Variants in RBFOX1 observed in about 807,000 individuals in gnomAD.
RBFOX1 encodes RNA binding protein fox-1 homolog 1.
RBFOX1 carries 8 observed loss-of-function variants against 57.7 expected under a neutral mutation model. The ratio of observed to expected loss-of-function variants is 0.14; its 90% confidence interval spans 0.08 to 0.25. The LOEUF (loss-of-function observed/expected upper bound fraction) is 0.25. Among genes scored for constraint, RBFOX1 ranks in the 10% least tolerant of loss-of-function variants. RBFOX1 has a pLI of 1.00. For synonymous variants in RBFOX1, 326 were observed against 222.4 expected, an observed-to-expected ratio of 1.47 and a Z score of -4.15; for missense variants, 611 against 548.5, an observed-to-expected ratio of 1.11 and a Z score of -1.14.
intron 4 of RBFOX1, among the ~76,000 whole-genome samples, chr16:7,426,952 A>G (rs868688339): frequency 1.3e-5 from 2 of 152,330 alleles, no homozygotes; most frequent in Middle Eastern, 3.4e-3. Context: ...GGATGAGTTC[A>G]TGTCCTTTGT....
intron 1 of RBFOX1, among the ~76,000 whole-genome samples, chr16:5,398,103 G>A (rs1245726403): frequency 1.3e-5 from 2 of 152,188 alleles, no homozygotes; most frequent in Non-Finnish European, 2.9e-5. Context: ...CAACCTAGAC[G>A]AAGACCAAGA....
At chr16:7,347,100 C>T (rs1306869008) in intron 4 of RBFOX1, among the ~76,000 whole-genome samples, 1 of 152,146 alleles carries the variant, frequency 6.6e-6, no homozygotes, top group African/African-American at 2.4e-5. Context: ...GGTTCTCAAT[C>T]AGGGGTGATT....
chr16:7,675,348 T>C (rs931056233), intron 13 of RBFOX1, among the ~76,000 whole-genome samples: 15 of 151,784 alleles, frequency 9.9e-5, no homozygotes, highest in African/African-American at 3.4e-4. Context: ...GAACACCAGG[T>C]GGCATCTGGC....
intron 4 of RBFOX1, among the ~76,000 whole-genome samples, chr16:5,961,350 C>A (rs1270640645): frequency 6.6e-6 from 1 of 152,076 alleles, no homozygotes; most frequent in Non-Finnish European, 1.5e-5. Flanking sequence ...AAGGTACTTG[C>A]TTGAGCTTCC....
At chr16:6,131,571 T>C (rs1034319242) in intron 1 of RBFOX1, among the ~76,000 whole-genome samples, 6 of 152,210 alleles carry the variant, frequency 3.9e-5, no homozygotes, top group African/African-American at 1.4e-4. Flanking sequence ...ACTCCCCAGA[T>C]GACTCTCAAG....
intron 1 of RBFOX1, among the ~76,000 whole-genome samples, chr16:5,294,629 C>T (rs779669798): frequency 3.3e-5 from 5 of 152,114 alleles, no homozygotes; most frequent in Non-Finnish European, 7.4e-5. Flanking sequence ...AGGCAGTGAC[C>T]TAGGAACTAT....
chr16:7,359,022 T>A (rs2097269645), intron 4 of RBFOX1, among the ~76,000 whole-genome samples: 1 of 152,354 alleles, frequency 6.6e-6, no homozygotes, highest in South Asian at 2.1e-4. Context: ...TTGAGTTCTT[T>A]GCTGCCTCCA....
intron 3 of RBFOX1, among the ~76,000 whole-genome samples, chr16:6,978,578 A>G (rs1041664407): frequency 5.3e-5 from 8 of 151,864 alleles, no homozygotes; most frequent in African/African-American, 1.5e-4. Flanking sequence ...TCTCCTTTCT[A>G]TATTCTGGGT....
At chr16:5,305,461 A>T (rs112348601) in intron 1 of RBFOX1, among the ~76,000 whole-genome samples, 1 of 152,100 alleles carries the variant, frequency 6.6e-6, no homozygotes, top group Non-Finnish European at 1.5e-5. Context: ...TCTCATCTCT[A>T]TAATTCCAGA....
chr16:7,371,319 G>A (rs2097561642), intron 4 of RBFOX1, among the ~76,000 whole-genome samples: 1 of 152,152 alleles, frequency 6.6e-6, no homozygotes, highest in African/African-American at 2.4e-5. Flanking sequence ...AGTGGTACGT[G>A]CCTGTGATTA....
At chr16:7,456,434 G>C (rs959594491) in intron 4 of RBFOX1, among the ~76,000 whole-genome samples, 5 of 152,156 alleles carry the variant, frequency 3.3e-5, no homozygotes, top group East Asian at 1.9e-4. Context: ...TAAACACTAA[G>C]TACTCAGCTG....
At chr16:7,373,458 A>G (rs1479423152) in intron 4 of RBFOX1, among the ~76,000 whole-genome samples, 1 of 152,160 alleles carries the variant, frequency 6.6e-6, no homozygotes, top group African/African-American at 2.4e-5. Context: ...TGAGACCACT[A>G]AGTGATGTCC....
At chr16:6,436,942 C>A (rs2094252508) in intron 2 of RBFOX1, among the ~76,000 whole-genome samples, 1 of 152,182 alleles carries the variant, frequency 6.6e-6, no homozygotes. Flanking sequence ...TGGGCATAGA[C>A]ATACTTCATC....
intron 4 of RBFOX1, among the ~76,000 whole-genome samples, chr16:7,079,654 G>T (rs184173141): frequency 1.3e-5 from 2 of 152,126 alleles, no homozygotes; most frequent in Non-Finnish European, 2.9e-5. Flanking sequence ...AGACAGCCAG[G>T]AAGATGAGAG....
chr16:6,736,374 C>G (rs566641521), intron 3 of RBFOX1, among the ~76,000 whole-genome samples: 2 of 152,094 alleles, frequency 1.3e-5, no homozygotes, highest in African/African-American at 4.8e-5. Context: ...ATTCTCATAG[C>G]TTAGCTCCCA....
At chr16:6,280,415 C>T (rs1449302440) in intron 1 of RBFOX1, among the ~76,000 whole-genome samples, 1 of 151,948 alleles carries the variant, frequency 6.6e-6, no homozygotes, top group African/African-American at 2.4e-5. Context: ...ATTTCTGGTA[C>T]CTTTAGTAGG....
intron 1 of RBFOX1, among the ~76,000 whole-genome samples, chr16:6,178,128 G>C (rs966732483): frequency 6.6e-6 from 1 of 151,246 alleles, no homozygotes; most frequent in Non-Finnish European, 1.5e-5. Context: ...TATGGTCATG[G>C]ACACCTGGGG....
intron 2 of RBFOX1, among the ~76,000 whole-genome samples, chr16:6,370,711 G>A (rs1320981058): frequency 1.3e-5 from 2 of 152,110 alleles, no homozygotes; most frequent in South Asian, 2.1e-4. Flanking sequence ...GATGTTTAAC[G>A]GGTATAGAAT....
chr16:6,087,369 T>C (rs774633582), intron 1 of RBFOX1, among the ~76,000 whole-genome samples: 1 of 152,186 alleles, frequency 6.6e-6, no homozygotes, highest in Non-Finnish European at 1.5e-5. Context: ...TATATATATA[T>C]ATGTATATGT....
Sources: allele counts gnomAD v4.1 joint callset (sites outside exome capture counted in the v4.1 genomes callset), GRCh38; gene constraint gnomAD v4.1.1; transcripts MANE v1.5; gene names NCBI Gene and HGNC (gene_info 2026-07-23, HGNC 2026-07-21).